The following TRAPPC11 variants were observed in gnomAD, a reference collection of about 807,000 sequenced individuals.
TRAPPC11 encodes the protein trafficking protein particle complex subunit 11, also known as foie gras homolog.
In TRAPPC11, 104 loss-of-function variants were observed where a neutral mutation model predicts 151.2. The ratio of observed to expected loss-of-function variants is 0.69; its 90% confidence interval spans 0.59 to 0.81. TRAPPC11 has a LOEUF of 0.81. Ranked by LOEUF, TRAPPC11 falls within the 30% of genes least tolerant of loss-of-function variation. The pLI is 0.00. For missense variants in TRAPPC11, 1,230 were observed against 1,349.6 expected (o/e 0.91, Z 1.39); for synonymous variants, 456 against 472.3 (o/e 0.97, Z 0.45).
At chr4:183,665,929 C>CTTTTTTTTTTTTTTTTTTTTT (rs11462767) in intron 2 of TRAPPC11, among the ~76,000 whole-genome samples, 1 of 137,888 alleles carries the variant, frequency 7.3e-6, no homozygotes, top group African/African-American at 2.7e-5. Flanking sequence ...AAATGGGCTA[C>CTTTTTTTTTTTTTTTTTTTTT]TTTTTTTTTT....
chr4:183,670,377 T>A (rs747558834), intron 5 of TRAPPC11, among the ~76,000 whole-genome samples: 4 of 152,222 alleles, frequency 2.6e-5, no homozygotes, highest in Non-Finnish European at 4.4e-5. Flanking sequence ...TAAGCTTTTT[T>A]CTTTTATTAA....
chr4:183,696,500 A>G (rs1282123501), intron 23 of TRAPPC11, among the ~76,000 whole-genome samples: 5 of 152,052 alleles, frequency 3.3e-5, no homozygotes, highest in Admixed American at 6.6e-5. Context: ...GGTTCAAGCA[A>G]TCCACCCATC....
intron 19 of TRAPPC11, 128 bp from the exon 20 acceptor site, chr4:183,692,832 T>G: frequency 1.3e-6 from 1 of 775,796 alleles, no homozygotes; most frequent in Middle Eastern, 4.0e-4. Flanking sequence ...GTGTTCTCAC[T>G]TCTGTCACAC....
intron 29 of TRAPPC11, among the ~76,000 whole-genome samples, chr4:183,710,533 G>A (rs939970708): frequency 2.0e-5 from 3 of 151,112 alleles, no homozygotes; most frequent in Non-Finnish European, 4.4e-5. Flanking sequence ...TGATCCTCCC[G>A]CCTCGGCCTC....
chr4:183,676,467 G>A (rs543947746), intron 7 of TRAPPC11, among the ~76,000 whole-genome samples: 3 of 152,112 alleles, frequency 2.0e-5, no homozygotes, highest in South Asian at 2.1e-4. Flanking sequence ...CATTTTTATC[G>A]ATGGTATTAG....
chr4:183,660,792 A>C (rs920799082), intron 1 of TRAPPC11, among the ~76,000 whole-genome samples: 8 of 151,726 alleles, frequency 5.3e-5, no homozygotes, highest in Admixed American at 2.0e-4. Context: ...CGGCTCACTG[A>C]AATCTCCGCC....
chr4:183,662,032 G>A (rs145926326), intron 1 of TRAPPC11, among the ~76,000 whole-genome samples: 1 of 152,118 alleles, frequency 6.6e-6, no homozygotes, highest in Non-Finnish European at 1.5e-5. Context: ...CAAAAGTGCT[G>A]GGATTATAGG....
chr4:183,680,408 A>T (rs1295681659), intron 10 of TRAPPC11, 141 bp downstream of exon 10: 2 of 956,544 alleles, frequency 2.1e-6, no homozygotes, highest in Non-Finnish European at 2.9e-6. Flanking sequence ...TAGGAATTAC[A>T]TTGATCTTTG....
chr4:183,671,531 A>G (rs1012758216), intron 5 of TRAPPC11, among the ~76,000 whole-genome samples: 6 of 152,180 alleles, frequency 3.9e-5, no homozygotes, highest in African/African-American at 1.4e-4. Flanking sequence ...TCTACCTTCA[A>G]TATAACTTCC....
intron 26 of TRAPPC11, among the ~76,000 whole-genome samples, chr4:183,702,993 A>G (rs1736876469): frequency 1.3e-5 from 2 of 152,216 alleles, no homozygotes; most frequent in Non-Finnish European, 2.9e-5. Context: ...AACCTAAAAA[A>G]ACCAGTAACT....
At chr4:183,675,485 A>T in intron 7 of TRAPPC11, 1 of 230,296 alleles carries the variant, frequency 4.3e-6, no homozygotes, top group Non-Finnish European at 8.4e-6. Context: ...TTTATGAGCC[A>T]CAGAAATGTA....
chr4:183,663,857 A>T lies in TRAPPC11; in HGVS notation c.-11A>T, dbSNP rs773576468. ...ACATTTGTATTTCAGGTTTTTTGTG[A>T]CATCGTAAACATGAGCCCCACACAG... On this transcript the variant is annotated 5_prime_UTR_variant, in exon 2 of 30. Transcript: ENST00000334690. The T allele has an allele frequency of 6.3e-7, 1 of 1,583,178 alleles. No individual in the cohort carries two copies. Among genetic ancestry groups the T allele is most frequent in the Admixed American group, 1.7e-5 (1 of 58,586 alleles).
rs1315192529 is a variant in TRAPPC11, at chr4:183,701,548, A to G, written c.2852-149A>G. On this transcript the variant is annotated intron_variant, in intron 25 of 29. Coordinates refer to ENST00000334690, the MANE Select transcript of TRAPPC11 (RefSeq NM_021942.6). ...TGGACTTTGTGACCTTGAAAAAGTC[A>G]TTTAACATCTCTGAACCCTACTTTC... 130 of 578,134 alleles carry G rather than the reference A, an allele frequency of 2.2e-4. 2 individuals are homozygous for G. The East Asian group carries it at 3.7e-3, about 16-fold the overall frequency. The allele number at this position is 578,134 out of a possible 1,614,324, so 35.8% of individuals were successfully genotyped here.
intron 19 of TRAPPC11, among the ~76,000 whole-genome samples, chr4:183,692,079 A>G (rs1736287173): frequency 6.6e-6 from 1 of 152,192 alleles, no homozygotes; most frequent in Non-Finnish European, 1.5e-5. Flanking sequence ...CTGGGCAGTT[A>G]CTTAGCTTCT....
At chr4:183,660,635 G>A (rs1378641122) in intron 1 of TRAPPC11, among the ~76,000 whole-genome samples, 2 of 152,170 alleles carry the variant, frequency 1.3e-5, no homozygotes, top group Non-Finnish European at 1.5e-5. Context: ...TGGGCCTCTG[G>A]AGTTATTACA....
intron 6 of TRAPPC11, 71 bp from the exon 7 acceptor site, chr4:183,675,093 C>T (rs1735346417): frequency 1.3e-6 from 1 of 799,864 alleles, no homozygotes; most frequent in Non-Finnish European, 1.8e-6. Flanking sequence ...TATGTCTCCT[C>T]ATAATAAACA....
At chr4:183,709,172 A>G (rs2111107198) in intron 29 of TRAPPC11, among the ~76,000 whole-genome samples, 1 of 152,280 alleles carries the variant, frequency 6.6e-6, no homozygotes, top group South Asian at 2.1e-4. Flanking sequence ...GTGTCCCTCT[A>G]ACATACATAT....
chr4:183,670,048 C>T (rs1735076217), intron 5 of TRAPPC11, among the ~76,000 whole-genome samples: 2 of 152,086 alleles, frequency 1.3e-5, no homozygotes, highest in African/African-American at 4.8e-5. Flanking sequence ...ACTCATAGAC[C>T]CTTTCTTCAG....
In TRAPPC11 at chr4:183,692,985, G is replaced by A. The variant is rs748975180; in HGVS notation, c.2075G>A (p.Gly692Asp). Residue 692 changes from glycine (G) to aspartate (D), a missense_variant, in exon 20 of 30, where the codon GGC becomes GAC. Transcript: ENST00000334690. ...ATTACTTCAGTGGATCTTGCTCTGG[G>A]CAATGAGACGGGAAGATGTGTGGTT... is the stretch of plus-strand genomic sequence containing the variant. ...IEITSVDLAL[G>D]NETGRCVVLN... 4 of 1,612,198 alleles carry A rather than the reference G, an allele frequency of 2.5e-6. No individual in the cohort carries two copies. The highest frequency in any genetic ancestry group is 3.4e-6 in the Non-Finnish European group (4 of 1,179,092).
Sources: allele counts gnomAD v4.1 joint callset (sites outside exome capture counted in the v4.1 genomes callset), GRCh38; gene constraint gnomAD v4.1.1; transcripts MANE v1.5; gene names NCBI Gene and HGNC (gene_info 2026-07-23, HGNC 2026-07-21).